The following ADCYAP1R1 variants were observed in gnomAD, a reference collection of about 807,000 sequenced individuals.
The protein encoded by ADCYAP1R1 is pituitary adenylate cyclase-activating polypeptide type I receptor.
Under a neutral mutation model 67.6 loss-of-function variants are expected in ADCYAP1R1, and 44 were observed. The observed-to-expected ratio is 0.65, with a 90% CI of 0.51 to 0.84. ADCYAP1R1 has a LOEUF of 0.84. Ranked by LOEUF, ADCYAP1R1 falls within the 40% of genes least tolerant of loss-of-function variation. ADCYAP1R1 has a pLI of 0.00. For missense variants in ADCYAP1R1, 477 were observed against 587.9 expected (o/e 0.81, Z 1.95); for synonymous variants, 222 against 219.6 (o/e 1.01, Z -0.10).
chr7:31,096,362 T>A (rs796801631), intron 13 of ADCYAP1R1, among the ~76,000 whole-genome samples: 2 of 152,074 alleles, frequency 1.3e-5, no homozygotes, highest in South Asian at 4.1e-4. Flanking sequence ...CAGCTTTCAG[T>A]CTAGAGGCTT....
intron 3 of ADCYAP1R1, among the ~76,000 whole-genome samples, chr7:31,074,024 A>C (rs1237938977): frequency 6.6e-6 from 1 of 152,182 alleles, no homozygotes; most frequent in East Asian, 1.9e-4. Context: ...GCACCTTAGC[A>C]GATGCCCTTT....
Position 31,102,105 on chromosome 7 carries a change from G to A in ADCYAP1R1, c.1047-1132G>A, listed in dbSNP as rs1412930571. 6.6e-6 allele frequency among the ~76,000 whole-genome samples: 1 copy of A among 152,230 alleles called. No homozygotes were observed. Among genetic ancestry groups the A allele is most frequent in the Non-Finnish European group, 1.5e-5 (1 of 68,040 alleles). On this transcript the variant is annotated intron_variant, in intron 13 of 15. Coordinates refer to ENST00000304166, the MANE Select transcript of ADCYAP1R1 (RefSeq NM_001118.5). The surrounding 1 kb of genome is among the most constrained non-coding windows in gnomAD (Gnocchi z 4.3). ...TTCTCTAGAGATCTGGAGCTCCCATGTTCAACAGAACATTCTCTCCCAGAA... is the reference window on the plus strand; with the variant it reads ...TTCTCTAGAGATCTGGAGCTCCCATATTCAACAGAACATTCTCTCCCAGAA...
At chr7:31,094,927 G>A (rs2128635432) in intron 13 of ADCYAP1R1, among the ~76,000 whole-genome samples, 1 of 151,864 alleles carries the variant, frequency 6.6e-6, no homozygotes, top group East Asian at 1.9e-4. Context: ...TCAAACCTCT[G>A]CTAGTCTTGA....
rs769634598 is a variant in ADCYAP1R1 at position 31,087,053 on chromosome 7, A to G, written c.884+50A>G. On this transcript the variant is annotated intron_variant, in intron 11 of 15. Transcript: ENST00000304166. ...GCCACAGCACAGAGTAGATTCTTAC[A>G]GATGGGTTCTCAGTAGCTGCCCTGA... is the stretch of plus-strand genomic sequence containing the variant. The G allele has an allele frequency of 2.4e-5, 39 of 1,601,210 alleles. 1 individual carries two copies. The Middle Eastern group carries it at 1.3e-3, about 55-fold the overall frequency.
rs1409189680 is a variant in ADCYAP1R1, at chr7:31,086,472, CT to C, written c.759del (p.Leu254CysfsTer28). Reference sequence around the variant, plus strand: ...TTCATCGAGGGCCTGTACCTCTTCACTCTGCTGGTGGAGACCTTCTTCCCTG... The same window carrying C: ...TTCATCGAGGGCCTGTACCTCTTCACCTGCTGGTGGAGACCTTCTTCCCTG... ...WLFIEGLYLF[T>X]LLVETFFPER... On this transcript the variant is annotated frameshift_variant, in exon 10 of 16. Coordinates refer to ENST00000304166, the MANE Select transcript of ADCYAP1R1 (RefSeq NM_001118.5). LOFTEE classifies it high-confidence loss of function. This position sits in a 1 kb window ranked among gnomAD's most constrained non-coding sequence, Gnocchi z 5.0. 6.2e-7 allele frequency: 1 copy of C among 1,614,134 alleles called. No homozygotes were observed. The highest frequency in any genetic ancestry group is 8.5e-7 in the Non-Finnish European group (1 of 1,180,052).
At chr7:31,064,788 G>T in intron 2 of ADCYAP1R1, 43 bp from the exon 3 acceptor site, 2 of 1,507,002 alleles carry the variant, frequency 1.3e-6, no homozygotes, top group East Asian at 2.4e-5. Flanking sequence ...TTACAGATGG[G>T]CCTCCTACCC....
intron 3 of ADCYAP1R1, among the ~76,000 whole-genome samples, chr7:31,074,465 G>A (rs562434253): frequency 1.1e-4 from 17 of 152,078 alleles, no homozygotes; most frequent in African/African-American, 4.1e-4. Context: ...TGTGCCACCC[G>A]CCCGACCTCT....
At chr7:31,100,944 C>T (rs148318890) in intron 13 of ADCYAP1R1, among the ~76,000 whole-genome samples, 72 of 152,352 alleles carry the variant, frequency 4.7e-4, no homozygotes, top group Non-Finnish European at 1.6e-4. Context: ...GACTCTTCTG[C>T]CCATTGCTGG....
Position 31,102,208 on chromosome 7 carries a change from C to T in ADCYAP1R1, c.1047-1029C>T, listed in dbSNP as rs897205624. ...ACTGCCTCATGCCTGCTGTCCACCC[C>T]GGGGGACTTAGCTGTGCTGGGAGAT... On this transcript the variant is annotated intron_variant, in intron 13 of 15. Transcript: ENST00000304166. The surrounding 1 kb of genome is among the most constrained non-coding windows in gnomAD (Gnocchi z 4.3). 7.9e-5 allele frequency among the ~76,000 whole-genome samples: 12 copies of T among 152,224 alleles called. No homozygotes were observed. The highest frequency in any genetic ancestry group is 1.9e-4 in the African/African-American group (8 of 41,462).
intron 3 of ADCYAP1R1, among the ~76,000 whole-genome samples, chr7:31,066,230 C>G (rs36068532): frequency 0.035 from 5,265 of 152,306 alleles, 135 homozygotes; most frequent in Middle Eastern, 0.065. Context: ...GGTCTGGAAC[C>G]CAGGTGTCCT....
intron 12 of ADCYAP1R1, among the ~76,000 whole-genome samples, chr7:31,088,557 C>T (rs145341961): frequency 6.6e-4 from 100 of 152,292 alleles, no homozygotes; most frequent in African/African-American, 2.2e-3. Flanking sequence ...TTTGTCTGGT[C>T]TGAAATGATA....
At chr7:31,071,101 G>C (rs1318079366) in intron 3 of ADCYAP1R1, among the ~76,000 whole-genome samples, 1 of 152,222 alleles carries the variant, frequency 6.6e-6, no homozygotes, top group Non-Finnish European at 1.5e-5. Flanking sequence ...TTCTCAAAGG[G>C]AGGACCATGG....
chr7:31,071,956 G>GATCCATCC lies in ADCYAP1R1; in HGVS notation c.158-5997_158-5990dup, dbSNP rs560523944. On this transcript the variant is annotated intron_variant, in intron 3 of 15. Coordinates refer to ENST00000304166, the MANE Select transcript of ADCYAP1R1 (RefSeq NM_001118.5). Reference sequence around the variant, plus strand: ...CCTGGCCCTTTCCACTGTGGTAAATGATCCATCCATCCATCCATCCATCCA... The same window carrying GATCCATCC: ...CCTGGCCCTTTCCACTGTGGTAAATGATCCATCCATCCATCCATCCATCCATCCATCCA... Among the ~76,000 whole-genome samples the GATCCATCC allele has an allele frequency of 6.2e-3, 885 of 142,692 alleles. 8 individuals carry two copies. The highest frequency in any genetic ancestry group is 8.4e-3 in the Admixed American group (119 of 14,152). 93.6% of individuals were successfully genotyped at this position (142,692 alleles called of 152,430 possible).
At chr7:31,084,600 A>G in intron 7 of ADCYAP1R1, 137 bp from the exon 8 acceptor site, 1 of 745,488 alleles carries the variant, frequency 1.3e-6, no homozygotes, top group Non-Finnish European at 2.4e-6. Flanking sequence ...TGGAGATGAT[A>G]TCAGCAGAAG....
chr7:31,093,252 C>A (rs1171818112), intron 13 of ADCYAP1R1, among the ~76,000 whole-genome samples: 5 of 152,174 alleles, frequency 3.3e-5, no homozygotes, highest in African/African-American at 4.8e-5. Flanking sequence ...GCCCTCGGGG[C>A]AGCTCTACCT....
chr7:31,078,137 G>C (rs1302295101), intron 4 of ADCYAP1R1, 39 bp downstream of exon 4: 1 of 1,511,268 alleles, frequency 6.6e-7, no homozygotes, highest in Non-Finnish European at 9.0e-7. Flanking sequence ...CGCTGGCCTA[G>C]CCTGCTCCCC....
In ADCYAP1R1 at chr7:31,102,724, T is replaced by C. The variant is rs1796487897; in HGVS notation, c.1047-513T>C. On this transcript the variant is annotated intron_variant, in intron 13 of 15. Coordinates refer to ENST00000304166, the MANE Select transcript of ADCYAP1R1 (RefSeq NM_001118.5). This position sits in a 1 kb window ranked among gnomAD's most constrained non-coding sequence, Gnocchi z 4.3. ...CCTCTGTGATCCACTCACTGAGCCTTTCCTCCCTCCCTGCCATCAGCACTT... is the reference window on the plus strand; with the variant it reads ...CCTCTGTGATCCACTCACTGAGCCTCTCCTCCCTCCCTGCCATCAGCACTT... Among the ~76,000 whole-genome samples, 1 of 152,102 alleles carries C rather than the reference T, an allele frequency of 6.6e-6. No individual in the cohort carries two copies. Among genetic ancestry groups the C allele is most frequent in the Non-Finnish European group, 1.5e-5 (1 of 68,008 alleles).
At chr7:31,066,040 C>T (rs1043744961) in intron 3 of ADCYAP1R1, among the ~76,000 whole-genome samples, 5 of 150,564 alleles carry the variant, frequency 3.3e-5, no homozygotes, top group East Asian at 2.0e-4. Flanking sequence ...CAAGGTTGAA[C>T]GTGGATTCGG....
intron 3 of ADCYAP1R1, among the ~76,000 whole-genome samples, chr7:31,070,746 T>A (rs1794937832): frequency 6.6e-6 from 1 of 152,216 alleles, no homozygotes; most frequent in South Asian, 2.1e-4. Flanking sequence ...ATTCTAAAAC[T>A]TGAATATCAG....
Sources: allele counts gnomAD v4.1 joint callset (sites outside exome capture counted in the v4.1 genomes callset), GRCh38; gene constraint gnomAD v4.1.1; non-coding constraint Gnocchi (gnomAD v3.1); transcripts MANE v1.5; gene names NCBI Gene and HGNC (gene_info 2026-07-23, HGNC 2026-07-21).